Variants in KLF8 observed in about 807,000 individuals in gnomAD.
The protein encoded by KLF8 is Krueppel-like factor 8.
In KLF8, 10 loss-of-function variants were observed where a neutral mutation model predicts 18.2. The ratio of observed to expected loss-of-function variants is 0.55; its 90% CI spans 0.34 to 0.93. The LOEUF is 0.93. Among genes scored for constraint, KLF8 ranks in the 40% least tolerant of loss-of-function variants. The probability of loss-of-function intolerance (pLI) is 0.02; values close to 1 mark genes in which losing one functional copy is unlikely to be tolerated. For synonymous variants in KLF8, 109 were observed against 97.3 expected (o/e 1.12, Z -0.71); for missense variants, 264 against 277.9 (o/e 0.95, Z 0.36).
chrX:56,276,808 TCTGTGTTATTATCC>T lies in KLF8; in HGVS notation c.898+6490_898+6503del, dbSNP rs750942725. Reference sequence around the variant, plus strand: ...GATATCTTTCCCTAGGTTGGGAAGTTCTGTGTTATTATCCCTTTGAATATTTCTACCCCTATCTC... The same window carrying T: ...GATATCTTTCCCTAGGTTGGGAAGTTCTTTGAATATTTCTACCCCTATCTC... On this transcript the variant is annotated intron_variant, in intron 5 of 5. Coordinates refer to ENST00000468660, the MANE Select transcript of KLF8 (RefSeq NM_007250.5). Among the ~76,000 whole-genome samples the T allele has an allele frequency of 5.4e-5, 6 of 111,734 alleles. No individual in the cohort carries two copies. The East Asian group carries it at 1.7e-3, about 32-fold the overall frequency.
rs919412800 is a variant in KLF8, at chrX:56,248,463, G to A, written c.8-1768G>A. On this transcript the variant is annotated intron_variant, in intron 1 of 5. Transcript: ENST00000468660. Reference sequence around the variant, plus strand: ...GCAGGTGAAGAAACTGAGGTTCATAGAAGCTAATATAGCCTCTCAGAATCA... The same window carrying A: ...GCAGGTGAAGAAACTGAGGTTCATAAAAGCTAATATAGCCTCTCAGAATCA... Among the ~76,000 whole-genome samples, 3 of 112,046 alleles carry A rather than the reference G, an allele frequency of 2.7e-5. No homozygotes were observed. The South Asian group carries it at 1.1e-3, about 42-fold the overall frequency.
the KLF8 span, among the ~76,000 whole-genome samples, chrX:56,180,672 C>T: frequency 9.0e-6 from 1 of 110,631 alleles, no homozygotes; most frequent in South Asian, 3.9e-4. Context: ...TCTTTGTTCT[C>T]GTTGGTTTCA....
the KLF8 span, among the ~76,000 whole-genome samples, chrX:55,991,394 C>T: frequency 1.8e-5 from 2 of 111,880 alleles, no homozygotes; most frequent in Admixed American, 1.9e-4. Flanking sequence ...TTCCAGTTGC[C>T]ATCTGTCACC....
rs780889759 is a variant in KLF8, at chrX:56,242,878, G to GT, written c.8-7347dup. 4.9e-4 allele frequency: 180 copies of GT among 364,813 alleles called. 1 individual carries two copies. The South Asian group carries it at 5.5e-3, about 11-fold the overall frequency. The allele number at this position is 364,813 out of a possible 1,213,427, so 30.1% of individuals were successfully genotyped here. A position where few individuals can be genotyped will look rare whatever the true frequency, so the allele number is the denominator to read the frequency against. ...ACTACAGGGGTTTTCTGGTTTGTTT[G>GT]TTTTTTCTTTCTGCTGGAAAGATAC... On this transcript the variant is annotated intron_variant, in intron 1 of 5. Coordinates refer to ENST00000468660, the MANE Select transcript of KLF8 (RefSeq NM_007250.5).
At chrX:55,985,293 A>G in the KLF8 span, among the ~76,000 whole-genome samples, 1 of 111,785 alleles carries the variant, frequency 8.9e-6, no homozygotes, top group Non-Finnish European at 1.9e-5. Context: ...TCTTGAATCA[A>G]TTTTTGTGTA....
chrX:56,258,195 G>A (rs1331230505), intron 2 of KLF8, among the ~76,000 whole-genome samples: 1 of 112,503 alleles, frequency 8.9e-6, no homozygotes, highest in Non-Finnish European at 1.9e-5. Flanking sequence ...AGTATAAGTA[G>A]TATTAGATAA....
the KLF8 span, among the ~76,000 whole-genome samples, chrX:56,036,628 G>T: frequency 8.9e-6 from 1 of 112,039 alleles, no homozygotes; most frequent in Non-Finnish European, 1.9e-5. Flanking sequence ...CTGCAGCCTT[G>T]TTCTTTTTGC....
chrX:56,211,824 G>T, the KLF8 span, among the ~76,000 whole-genome samples: 5 of 110,560 alleles, frequency 4.5e-5, no homozygotes, highest in South Asian at 1.6e-3. Flanking sequence ...TCTGTCTGTG[G>T]CCATGCTGGT....
chrX:56,146,096 G>T, the KLF8 span, among the ~76,000 whole-genome samples: 1 of 111,865 alleles, frequency 8.9e-6, no homozygotes, highest in Non-Finnish European at 1.9e-5. Flanking sequence ...AAATAGAAAC[G>T]TTTTTACACT....
the KLF8 span, among the ~76,000 whole-genome samples, chrX:56,102,777 G>A: frequency 1.6e-4 from 18 of 110,058 alleles, no homozygotes; most frequent in Non-Finnish European, 3.4e-4. Context: ...TATACTTTAA[G>A]TTCTAAGGTA....
the KLF8 span, among the ~76,000 whole-genome samples, chrX:55,980,209 T>A: frequency 9.0e-6 from 1 of 111,271 alleles, no homozygotes; most frequent in Non-Finnish European, 1.9e-5. Context: ...AGTCAAGAGG[T>A]CAGAATGATA....
chrX:56,252,179 ATTGT>A (rs1409088958), intron 2 of KLF8, among the ~76,000 whole-genome samples: 3 of 110,554 alleles, frequency 2.7e-5, no homozygotes, highest in African/African-American at 9.9e-5. Flanking sequence ...CGCCCAGCTA[ATTGT>A]TTGTATTTTT....
chrX:56,239,736 T>C (rs918638220), intron 1 of KLF8, among the ~76,000 whole-genome samples: 1 of 112,276 alleles, frequency 8.9e-6, no homozygotes, highest in Non-Finnish European at 1.9e-5. Flanking sequence ...AAGACAATTA[T>C]CAGGCCAGCT....
the KLF8 span, among the ~76,000 whole-genome samples, chrX:56,185,773 T>A: frequency 1.8e-5 from 2 of 111,621 alleles, no homozygotes; most frequent in Non-Finnish European, 3.8e-5. Flanking sequence ...CCAGCCAAAC[T>A]AAGCTTCATA....
the KLF8 span, among the ~76,000 whole-genome samples, chrX:56,170,589 AG>A: frequency 9.1e-6 from 1 of 109,720 alleles, no homozygotes; most frequent in African/African-American, 3.3e-5. Flanking sequence ...GTCAAGCAGA[AG>A]AAATAATTAG....
At chrX:56,007,163 G>T in the KLF8 span, among the ~76,000 whole-genome samples, 4 of 112,067 alleles carry the variant, frequency 3.6e-5, no homozygotes, top group African/African-American at 1.3e-4. Flanking sequence ...AGAGTTCTGA[G>T]TATCTGGCTG....
the KLF8 span, among the ~76,000 whole-genome samples, chrX:55,938,385 G>A: frequency 9.0e-6 from 1 of 111,454 alleles, no homozygotes; most frequent in Non-Finnish European, 1.9e-5. Context: ...CACTAAACAT[G>A]GAAAGGAAAA....
At chrX:56,064,728 A>G in the KLF8 span, among the ~76,000 whole-genome samples, 3 of 111,060 alleles carry the variant, frequency 2.7e-5, no homozygotes, top group African/African-American at 9.8e-5. Context: ...AATGGTGGCT[A>G]TTGTCCTTTC....
the KLF8 span, among the ~76,000 whole-genome samples, chrX:56,080,937 G>T: frequency 9.0e-6 from 1 of 110,816 alleles, no homozygotes; most frequent in South Asian, 3.9e-4. Context: ...CCAGTTGATT[G>T]CATCGGCTCC....
Sources: gnomAD v4.1 joint callset for allele counts (sites outside exome capture counted in the v4.1 genomes callset) on GRCh38, gnomAD v4.1.1 for gene constraint, MANE v1.5 for transcripts, NCBI Gene and HGNC (gene_info 2026-07-23, HGNC 2026-07-21) for gene names.